SLC22A24: variants seen among roughly 807,000 people sequenced by gnomAD.
SLC22A24 encodes solute carrier family 22 member 24.
A neutral mutation model predicts 49.8 loss-of-function variants in SLC22A24; 53 were observed. The observed-to-expected ratio is 1.06, with a 90% CI of 0.85 to 1.34. The LOEUF is 1.34. Among genes scored for constraint, SLC22A24 ranks in the 40% most tolerant of loss-of-function variants. The pLI, the probability that SLC22A24 is intolerant of heterozygous loss-of-function variation, is 0.00. For missense variants in SLC22A24, 786 were observed against 675.9 expected (o/e 1.16, Z -1.81); for synonymous variants, 302 against 256.4 (o/e 1.18, Z -1.70).
intron 4 of SLC22A24, among the ~76,000 whole-genome samples, chr11:63,111,685 C>T (rs10897364): frequency 0.79 from 118,751 of 150,194 alleles, 48,122 homozygotes; most frequent in East Asian, 0.9. Context: ...TCTGTGGGAT[C>T]GGTGGTGATA....
intron 2 of SLC22A24, among the ~76,000 whole-genome samples, chr11:63,123,350 T>A (rs2087265484): frequency 2.6e-5 from 4 of 152,142 alleles, no homozygotes; most frequent in Admixed American, 2.6e-4. Flanking sequence ...ATATGGTGAG[T>A]TCCTGCTTTA....
intron 6 of SLC22A24, among the ~76,000 whole-genome samples, chr11:63,086,911 T>C (rs9988846): frequency 0.97 from 146,865 of 152,128 alleles, 71,120 homozygotes; most frequent in East Asian, 1. Flanking sequence ...ATATGGGATG[T>C]AGGTTTGGCA....
intron 4 of SLC22A24, among the ~76,000 whole-genome samples, chr11:63,118,277 T>C (rs1329244607): frequency 6.6e-6 from 1 of 152,166 alleles, no homozygotes; most frequent in African/African-American, 2.4e-5. Context: ...AACTAAGATA[T>C]GTTAAAAACA....
In SLC22A24 at chr11:63,118,920, CAAG is replaced by C; in HGVS notation, c.819_821del (p.Phe273del). On this transcript the variant is annotated inframe_deletion, in exon 4 of 10. Transcript: ENST00000612278. Reference sequence around the variant, plus strand: ...GTGGAGATTGTTCATACCAAGAGGACAAGAAGAGGACAATTATGGGTGTAGACA... The same window carrying C: ...GTGGAGATTGTTCATACCAAGAGGACAAGAGGACAATTATGGGTGTAGACA... The C allele has an allele frequency of 6.4e-7, 1 of 1,551,990 alleles. No individual in the cohort carries two copies.
Position 63,081,567 on chromosome 11 carries a change from G to T in SLC22A24, c.1385C>A (p.Thr462Asn). Reference sequence around the variant, plus strand: ...TCTTTAGCTCTTGTACCTCAATATGGTGGGGACGAGCTCGTTGTGGTGGAC... The same window carrying T: ...TCTTTAGCTCTTGTACCTCAATATGTTGGGGACGAGCTCGTTGTGGTGGAC... ...ASVHHNELVP[T>N]ILRSTVAGIN... The change falls in exon 8 of 10, where the codon ACC (threonine) becomes AAC (asparagine). Residue 462 changes from threonine (T) to asparagine (N), a missense_variant. Coordinates refer to ENST00000612278, the MANE Select transcript of SLC22A24 (RefSeq NM_001136506.2). 6.5e-7 allele frequency: 1 copy of T among 1,549,822 alleles called. No individual in the cohort carries two copies. Among genetic ancestry groups the T allele is most frequent in the South Asian group, 1.2e-5 (1 of 84,040 alleles).
At chr11:63,105,653 G>C (rs566937421) in intron 4 of SLC22A24, among the ~76,000 whole-genome samples, 1 of 152,210 alleles carries the variant, frequency 6.6e-6, no homozygotes, top group African/African-American at 2.4e-5. Context: ...CACACAGCAG[G>C]GGTCCCTTGG....
chr11:63,120,818 A>G (rs1056427622), intron 2 of SLC22A24, among the ~76,000 whole-genome samples: 3 of 152,166 alleles, frequency 2.0e-5, no homozygotes, highest in Non-Finnish European at 2.9e-5. Flanking sequence ...TATATAGAAT[A>G]TATTTTATTA....
In SLC22A24 at chr11:63,080,982, G is replaced by C; in HGVS notation, c.1536C>G (p.Ile512Met). ...GVFPILAVPV[I>M]LLLPETRDLP... ...GATCCCTGGTTTCTGGAAGGAGGAG[G>C]ATAACAGGGACAGCAAGGATGGGGA... The change falls in exon 9 of 10, where the codon ATC becomes ATG. Residue 512 changes from isoleucine to methionine, a missense_variant. Physicochemically the swap from Ile to Met is conservative, Grantham distance 10 (BLOSUM62 1). Transcript: ENST00000612278. The C allele has an allele frequency of 6.4e-7, 1 of 1,552,254 alleles. No individual in the cohort carries two copies. The highest frequency in any genetic ancestry group is 8.7e-7 in the Non-Finnish European group (1 of 1,147,382).
chr11:63,137,449 C>T (rs1238288532), intron 1 of SLC22A24, among the ~76,000 whole-genome samples: 8 of 152,110 alleles, frequency 5.3e-5, no homozygotes, highest in Non-Finnish European at 1.5e-5. Context: ...AAAAAAGGCT[C>T]AACAGGCCTG....
chr11:63,138,891 T>C (rs1442906902), intron 1 of SLC22A24, among the ~76,000 whole-genome samples: 1 of 152,178 alleles, frequency 6.6e-6, no homozygotes, highest in Non-Finnish European at 1.5e-5. Context: ...TTTTCCTTTC[T>C]CTGAACTACC....
rs767148143 is a variant in SLC22A24, at chr11:63,143,371, C to T, written c.402+7G>A. ...TATAAACAGAAGATTTACATGGGGC[C>T]TCTTACCTCAGTCACGATGGTGGAG... On this transcript the variant is annotated splice_region_variant and intron_variant, in intron 1 of 9. Coordinates refer to ENST00000612278, the MANE Select transcript of SLC22A24 (RefSeq NM_001136506.2). The T allele has an allele frequency of 2.8e-6, 4 of 1,439,930 alleles. No individual in the cohort carries two copies. In the Admixed American group the frequency reaches 7.9e-5, roughly 29 times the overall value. 89.2% of individuals were successfully genotyped at this position (1,439,930 alleles called of 1,614,324 possible).
At chr11:63,090,290 T>C (rs916295009) in intron 6 of SLC22A24, among the ~76,000 whole-genome samples, 1 of 151,810 alleles carries the variant, frequency 6.6e-6, no homozygotes, top group Non-Finnish European at 1.5e-5. Context: ...CTGTCAATAT[T>C]AGACAGAGCA....
intron 4 of SLC22A24, among the ~76,000 whole-genome samples, chr11:63,108,513 G>A (rs1257403214): frequency 1.3e-5 from 2 of 152,096 alleles, no homozygotes; most frequent in Non-Finnish European, 2.9e-5. Flanking sequence ...AATGGTATCA[G>A]CTCTCTTTGT....
At chr11:63,124,236 A>G (rs956873938) in intron 2 of SLC22A24, among the ~76,000 whole-genome samples, 5 of 152,176 alleles carry the variant, frequency 3.3e-5, no homozygotes, top group Admixed American at 1.3e-4. Context: ...GGCAAGATTT[A>G]TGATAAGAAA....
At chr11:63,082,823 A>G (rs912403996) in intron 7 of SLC22A24, among the ~76,000 whole-genome samples, 1 of 152,250 alleles carries the variant, frequency 6.6e-6, no homozygotes, top group Non-Finnish European at 1.5e-5. Flanking sequence ...AGAGACCTCA[A>G]AAATTAGAAA....
At chr11:63,093,393 G>A (rs770244776) in intron 6 of SLC22A24, among the ~76,000 whole-genome samples, 2 of 151,982 alleles carry the variant, frequency 1.3e-5, no homozygotes, top group Non-Finnish European at 2.9e-5. Context: ...ACATGCACAC[G>A]TATGTTTATT....
At chr11:63,090,366 A>G (rs1230802346) in intron 6 of SLC22A24, among the ~76,000 whole-genome samples, 2 of 152,238 alleles carry the variant, frequency 1.3e-5, no homozygotes, top group East Asian at 1.9e-4. Flanking sequence ...CAGACCTAAT[A>G]GACATCTACA....
chr11:63,081,483 G>T, intron 8 of SLC22A24, 75 bp downstream of exon 8: 1 of 1,021,268 alleles, frequency 9.8e-7, no homozygotes, highest in Non-Finnish European at 1.5e-6. Context: ...AACAGTGTCA[G>T]TCTTTCATTC....
At chr11:63,092,174 G>T (rs1230733576) in intron 6 of SLC22A24, among the ~76,000 whole-genome samples, 1 of 151,708 alleles carries the variant, frequency 6.6e-6, no homozygotes, top group Non-Finnish European at 1.5e-5. Context: ...GGAATAAAAT[G>T]CCTAGGAATA....
Sources: allele counts gnomAD v4.1 joint callset (sites outside exome capture counted in the v4.1 genomes callset), GRCh38; gene constraint gnomAD v4.1.1; transcripts MANE v1.5; gene names NCBI Gene and HGNC (gene_info 2026-07-23, HGNC 2026-07-21).